The following EMID1 variants were observed in gnomAD, a reference collection of about 807,000 sequenced individuals.
The protein encoded by EMID1 is EMI domain-containing protein 1.
EMID1 carries 40 observed loss-of-function variants against 60.6 expected under a neutral mutation model. The ratio of observed to expected loss-of-function variants is 0.66; its 90% CI spans 0.51 to 0.86. The LOEUF is 0.86. Ranked by LOEUF, EMID1 falls within the 40% of genes least tolerant of loss-of-function variation. The probability of loss-of-function intolerance (pLI) is 0.00; values close to 1 mark genes in which losing one functional copy is unlikely to be tolerated. For missense variants in EMID1, 585 were observed against 597.1 expected, an observed-to-expected ratio of 0.98 and a Z score of 0.21; for synonymous variants, 242 against 231.0, an observed-to-expected ratio of 1.05 and a Z score of -0.43.
In EMID1 at chr22:29,231,670, A is replaced by G. The variant is rs2040754290; in HGVS notation, c.664A>G (p.Arg222Gly). 1 of 1,469,032 alleles carries G rather than the reference A, an allele frequency of 6.8e-7. No individual in the cohort carries two copies. The highest frequency in any genetic ancestry group is 1.4e-5 in the African/African-American group (1 of 70,826). 91.0% of individuals were successfully genotyped at this position (1,469,032 alleles called of 1,614,324 possible). A position where few individuals can be genotyped will look rare whatever the true frequency, so the allele number is the denominator to read the frequency against. ...DAGSRGPMGM[R>G]GPPGPQGPPG... is the part of the protein sequence containing the mutation. ...CGGCAGTCGGGGCCCAATGGGGATG[A>G]GAGGCCCACCAGGTGAGTGCCCGCA... Residue 222 changes from arginine to glycine, a missense_variant, in exon 7 of 15, where the codon AGA becomes GGA. By Grantham distance (125) the Arg-to-Gly change is moderately radical (BLOSUM62 -2). Transcript: ENST00000334018.
chr22:29,225,052 G>T lies in EMID1; in HGVS notation c.320-81G>T. 5 of 1,456,558 alleles carry T rather than the reference G, an allele frequency of 3.4e-6. No homozygotes were observed. In the South Asian group the frequency reaches 5.9e-5, roughly 17 times the overall value. The allele number at this position is 1,456,558 out of a possible 1,614,324, so 90.2% of individuals were successfully genotyped here. A position where few individuals can be genotyped will look rare whatever the true frequency, so the allele number is the denominator to read the frequency against. On this transcript the variant is annotated intron_variant, in intron 3 of 14. Transcript: ENST00000334018. ...TACGCTGAGGGCAGTAGGGGTCCCT[G>T]CTGGGGCTACAGTGGTGGGCAGGGG...
At chr22:29,227,617 A>G (rs559450633) in intron 5 of EMID1, among the ~76,000 whole-genome samples, 1 of 149,330 alleles carries the variant, frequency 6.7e-6, no homozygotes, top group Admixed American at 6.7e-5. Context: ...AGGCTTGAGG[A>G]TCACTTGAAC....
chr22:29,236,063 A>T lies in EMID1; in HGVS notation c.1074+1714A>T, dbSNP rs142195338. ...TTTTTGGTCCATTCTAACAATCCTC[A>T]TCTTTTATTTGCTGCATTTAGGCCA... On this transcript the variant is annotated intron_variant, in intron 12 of 14. Transcript: ENST00000334018. Among the ~76,000 whole-genome samples the T allele has an allele frequency of 1.1e-4, 16 of 152,140 alleles. No homozygotes were observed. The East Asian group carries it at 2.7e-3, about 26-fold the overall frequency.
At position 29,231,657 on chromosome 22, in the gene EMID1, C is replaced by T. The variant is rs1284952160; in HGVS notation, c.651C>T (p.Gly217=). 3.4e-6 allele frequency: 5 copies of T among 1,478,246 alleles called. No homozygotes were observed. The Admixed American group carries it at 9.3e-5, about 27-fold the overall frequency. 91.6% of individuals were successfully genotyped at this position (1,478,246 alleles called of 1,614,324 possible). A position where few individuals can be genotyped will look rare whatever the true frequency, so the allele number is the denominator to read the frequency against. Residue 217 remains glycine (G), a synonymous_variant, in exon 7 of 15, where the codon GGC becomes GGT. Transcript: ENST00000334018. Reference sequence around the variant, plus strand: ...CCAAGGGAGATGCCGGCAGTCGGGGCCCAATGGGGATGAGAGGCCCACCAG... The same window carrying T: ...CCAAGGGAGATGCCGGCAGTCGGGGTCCAATGGGGATGAGAGGCCCACCAG... The part of the protein sequence containing the change: ...TGPKGDAGSR[G]PMGMRGPPGP...
chr22:29,215,334 A>G (rs766926709), intron 2 of EMID1, 193 bp from the exon 3 acceptor site: 142 of 950,376 alleles, frequency 1.5e-4, no homozygotes, highest in Non-Finnish European at 1.6e-4. Context: ...CTGGTATCCA[A>G]TCTCCAATCC....
intron 5 of EMID1, among the ~76,000 whole-genome samples, chr22:29,230,528 G>A (rs932677927): frequency 6.6e-6 from 1 of 152,210 alleles, no homozygotes; most frequent in African/African-American, 2.4e-5. Flanking sequence ...CATAATGCGT[G>A]TTATGAATTG....
intron 12 of EMID1, among the ~76,000 whole-genome samples, 158 bp from the exon 13 acceptor site, chr22:29,243,287 C>T (rs751545810): frequency 6.6e-6 from 1 of 152,186 alleles, no homozygotes; most frequent in African/African-American, 2.4e-5. Flanking sequence ...TTTCCGTTGC[C>T]TTCAATCAGT....
chr22:29,219,385 C>T (rs2146187425), intron 3 of EMID1, among the ~76,000 whole-genome samples: 1 of 152,282 alleles, frequency 6.6e-6, no homozygotes, highest in East Asian at 1.9e-4. Context: ...CCCATTGTCC[C>T]CAGCATACAT....
intron 3 of EMID1, among the ~76,000 whole-genome samples, chr22:29,222,179 G>A (rs1161650813): frequency 3.3e-5 from 5 of 151,788 alleles, no homozygotes; most frequent in African/African-American, 7.3e-5. Context: ...CTGCAACCTC[G>A]ACCTTCCAAG....
chr22:29,257,508 G>A (rs1012580579), intron 14 of EMID1, among the ~76,000 whole-genome samples: 12 of 152,016 alleles, frequency 7.9e-5, no homozygotes, highest in Admixed American at 6.6e-5. Flanking sequence ...CAGGCTAGGG[G>A]TCCACCTCAG....
chr22:29,233,445 C>T lies in EMID1; in HGVS notation c.890C>T (p.Pro297Leu). The change falls in exon 9 of 15, where the codon CCT (proline) becomes CTT (leucine). Residue 297 changes from proline (P) to leucine (L), a missense_variant. Transcript: ENST00000334018. ...NNHWPQGPTG[P>L]PGPPGPMGPP... ...CACTGGCCCCAGGGACCCACTGGGC[C>T]TCCAGGCCCTCCAGGGCCCATGGGT... 1 of 1,614,222 alleles carries T rather than the reference C, an allele frequency of 6.2e-7. No homozygotes were observed. The highest frequency in any genetic ancestry group is 8.5e-7 in the Non-Finnish European group (1 of 1,180,026).
intron 11 of EMID1, 23 bp downstream of exon 11, chr22:29,234,222 G>T (rs760089154): frequency 1.9e-5 from 31 of 1,608,702 alleles, no homozygotes; most frequent in Non-Finnish European, 2.5e-5. Flanking sequence ...GTGGCCCCAG[G>T]TGGGGGAATT....
chr22:29,232,074 G>A, intron 7 of EMID1, 182 bp from the exon 8 acceptor site: 2 of 645,780 alleles, frequency 3.1e-6, no homozygotes, highest in Non-Finnish European at 5.3e-6. Context: ...ACTCAGCCTG[G>A]ACGAGGTGGA....
chr22:29,213,670 C>T (rs186666752), intron 1 of EMID1, among the ~76,000 whole-genome samples: 20 of 152,222 alleles, frequency 1.3e-4, no homozygotes, highest in Admixed American at 2.0e-4. Flanking sequence ...CACAGGGTCA[C>T]GGGCCCTGTG....
intron 5 of EMID1, 64 bp from the exon 6 acceptor site, chr22:29,230,954 CAA>C (rs554463354): frequency 3.2e-6 from 5 of 1,543,440 alleles, no homozygotes; most frequent in Non-Finnish European, 3.5e-6. Flanking sequence ...AACTCCATCT[CAA>C]AAAAAATAGG....
At chr22:29,222,919 A>G (rs942057749) in intron 3 of EMID1, among the ~76,000 whole-genome samples, 5 of 152,004 alleles carry the variant, frequency 3.3e-5, no homozygotes, top group South Asian at 2.1e-4. Flanking sequence ...GTGAAACCCC[A>G]CCTCTACTAA....
chr22:29,211,057 G>A (rs1382860529), intron 1 of EMID1, among the ~76,000 whole-genome samples: 1 of 152,216 alleles, frequency 6.6e-6, no homozygotes, highest in African/African-American at 2.4e-5. Context: ...CACAGCTTCA[G>A]CCTATATGCG....
chr22:29,230,558 T>C (rs1258962773), intron 5 of EMID1, among the ~76,000 whole-genome samples: 1 of 152,216 alleles, frequency 6.6e-6, no homozygotes, highest in Non-Finnish European at 1.5e-5. Context: ...AAAAACACTG[T>C]CACTTCTGAT....
intron 13 of EMID1, among the ~76,000 whole-genome samples, chr22:29,248,991 G>A (rs1272772502): frequency 6.6e-6 from 1 of 152,082 alleles, no homozygotes; most frequent in Non-Finnish European, 1.5e-5. Flanking sequence ...AGCCACAATT[G>A]TTCTGTCATT....
Sources: allele counts gnomAD v4.1 joint callset (sites outside exome capture counted in the v4.1 genomes callset), GRCh38; gene constraint gnomAD v4.1.1; transcripts MANE v1.5; gene names NCBI Gene and HGNC (gene_info 2026-07-23, HGNC 2026-07-21).